ZFR: variants seen among roughly 807,000 people sequenced by gnomAD.
The protein encoded by ZFR is zinc finger RNA-binding protein.
ZFR carries 19 observed loss-of-function variants against 130.7 expected under a neutral mutation model. The observed-to-expected ratio is 0.15, with a 90% CI of 0.10 to 0.21. The LOEUF (loss-of-function observed/expected upper bound fraction) is 0.21. ZFR is among the 10% of genes least tolerant of loss of function. The pLI, the probability that ZFR is intolerant of heterozygous loss-of-function variation, is 1.00. For synonymous variants in ZFR, 466 were observed against 456.9 expected (o/e 1.02, Z -0.25); for missense variants, 872 against 1,321.5 (o/e 0.66, Z 5.27).
chr5:32,408,380 T>A (rs1324268426), intron 5 of ZFR, among the ~76,000 whole-genome samples: 1 of 151,802 alleles, frequency 6.6e-6, no homozygotes, highest in African/African-American at 2.4e-5. Flanking sequence ...TCTGTTGTCC[T>A]TATTCTGCTT....
intron 4 of ZFR, among the ~76,000 whole-genome samples, chr5:32,416,857 C>G (rs1254152581): frequency 6.6e-6 from 1 of 151,762 alleles, no homozygotes; most frequent in Non-Finnish European, 1.5e-5. Context: ...CAATCCAACG[C>G]TCTACCCACA....
At chr5:32,393,005 T>A (rs1037628707) in intron 11 of ZFR, among the ~76,000 whole-genome samples, 4 of 152,002 alleles carry the variant, frequency 2.6e-5, no homozygotes, top group Non-Finnish European at 4.4e-5. Context: ...AAAAAAAAAA[T>A]TATTTTCATA....
chr5:32,417,959 C>T (rs756406799), intron 3 of ZFR, among the ~76,000 whole-genome samples, 167 bp from the exon 4 acceptor site: 1 of 152,096 alleles, frequency 6.6e-6, no homozygotes, highest in Non-Finnish European at 1.5e-5. Flanking sequence ...TCATTTTGTA[C>T]TTCATTAAAA....
intron 12 of ZFR, among the ~76,000 whole-genome samples, chr5:32,389,927 G>C (rs1267192098): frequency 6.6e-6 from 1 of 152,206 alleles, no homozygotes; most frequent in Non-Finnish European, 1.5e-5. Flanking sequence ...CAGGCGGACG[G>C]ATCTCCTGAA....
rs545445849 is a variant in ZFR at position 32,389,945 on chromosome 5, G to A, written c.2142+330C>T. Among the ~76,000 whole-genome samples, 9 of 152,344 alleles carry A rather than the reference G, an allele frequency of 5.9e-5. No individual in the cohort carries two copies. The Middle Eastern group carries it at 0.01, about 173-fold the overall frequency. On this transcript the variant is annotated intron_variant, in intron 12 of 19. Coordinates refer to ENST00000265069, the MANE Select transcript of ZFR (RefSeq NM_016107.5). ...GCGGACGGATCTCCTGAAGTCAGGA[G>A]TTCAAGACCAGCCTGGCCAACGTGG...
chr5:32,357,288 C>CA (rs1468398480), intron 19 of ZFR, among the ~76,000 whole-genome samples: 3 of 152,184 alleles, frequency 2.0e-5, no homozygotes, highest in Admixed American at 6.5e-5. Context: ...TTTTTTGAGA[C>CA]AGAGTCTTGC....
At chr5:32,364,463 T>G in intron 17 of ZFR, 188 bp from the exon 18 acceptor site, 4 of 338,904 alleles carry the variant, frequency 1.2e-5, no homozygotes, top group Non-Finnish European at 2.2e-5. Flanking sequence ...CCGGGCACAG[T>G]GGCTCACGTC....
chr5:32,370,581 A>C (rs1010647807), intron 17 of ZFR, among the ~76,000 whole-genome samples: 1 of 152,126 alleles, frequency 6.6e-6, no homozygotes, highest in African/African-American at 2.4e-5. Flanking sequence ...CTTGCTATAC[A>C]AATAAGGCTG....
At chr5:32,394,246 A>G (rs1307445473) in intron 11 of ZFR, 1 of 161,342 alleles carries the variant, frequency 6.2e-6, no homozygotes, top group African/African-American at 2.4e-5. Context: ...AATGTGGTAC[A>G]TAAGGATGTA....
intron 19 of ZFR, among the ~76,000 whole-genome samples, chr5:32,359,739 A>G (rs1466027500): frequency 1.3e-5 from 2 of 152,234 alleles, no homozygotes; most frequent in Non-Finnish European, 2.9e-5. Context: ...CCACGAGGTC[A>G]GGAGTTCGAC....
At position 32,420,869 on chromosome 5, in the gene ZFR, A is replaced by G. The variant is rs1026796482; in HGVS notation, c.138-766T>C. Among the ~76,000 whole-genome samples, 5 of 152,192 alleles carry G rather than the reference A, an allele frequency of 3.3e-5. No individual in the cohort carries two copies. In the South Asian group the frequency reaches 8.3e-4, roughly 25 times the overall value. ...GTACAAAACCTACAATGGAATATCTATTATTTTAGATACATTTTCCAGCTT... is the reference window on the plus strand; with the variant it reads ...GTACAAAACCTACAATGGAATATCTGTTATTTTAGATACATTTTCCAGCTT... On this transcript the variant is annotated intron_variant, in intron 2 of 19. Coordinates refer to ENST00000265069, the MANE Select transcript of ZFR (RefSeq NM_016107.5).
At chr5:32,407,723 T>C (rs1753607319) in intron 5 of ZFR, among the ~76,000 whole-genome samples, 1 of 152,186 alleles carries the variant, frequency 6.6e-6, no homozygotes, top group Non-Finnish European at 1.5e-5. Flanking sequence ...TTCCAAAAGA[T>C]GAAAAAGCAT....
At chr5:32,382,397 C>T (rs1392533132) in intron 15 of ZFR, among the ~76,000 whole-genome samples, 1 of 152,096 alleles carries the variant, frequency 6.6e-6, no homozygotes, top group African/African-American at 2.4e-5. Context: ...TGCTAAAGAA[C>T]CTCTTTCTAT....
At chr5:32,431,216 T>C (rs1754207486) in intron 2 of ZFR, among the ~76,000 whole-genome samples, 1 of 152,170 alleles carries the variant, frequency 6.6e-6, no homozygotes, top group Non-Finnish European at 1.5e-5. Context: ...AAGGTAAACT[T>C]AAATAATCAT....
At chr5:32,435,180 G>A (rs1754307084) in intron 2 of ZFR, among the ~76,000 whole-genome samples, 1 of 151,980 alleles carries the variant, frequency 6.6e-6, no homozygotes, top group Admixed American at 6.6e-5. Context: ...CAAAATGCTG[G>A]GATTACAGGC....
chr5:32,424,510 G>A (rs57997147), intron 2 of ZFR, among the ~76,000 whole-genome samples: 21,332 of 149,782 alleles, frequency 0.14, 1,786 homozygotes, highest in African/African-American at 0.23. Context: ...TCTCACCTGG[G>A]TGAAAGAGCG....
At chr5:32,398,224 A>T (rs1753362890) in intron 9 of ZFR, among the ~76,000 whole-genome samples, 1 of 152,202 alleles carries the variant, frequency 6.6e-6, no homozygotes, top group South Asian at 2.1e-4. Flanking sequence ...AGATGTCTTA[A>T]ATTTTCTAAT....
chr5:32,430,054 T>A (rs1387290534), intron 2 of ZFR, among the ~76,000 whole-genome samples: 1 of 125,328 alleles, frequency 8.0e-6, no homozygotes, highest in African/African-American at 3.2e-5. Context: ...GGATGTAGCC[T>A]GGGTGACAGA....
At chr5:32,378,908 CAA>C (rs1413399257) in intron 17 of ZFR, among the ~76,000 whole-genome samples, 6 of 149,254 alleles carry the variant, frequency 4.0e-5, no homozygotes, top group Admixed American at 3.3e-4. Flanking sequence ...AAAAAACACA[CAA>C]AGAGAAACAT....
Sources: gnomAD v4.1 joint callset for allele counts (sites outside exome capture counted in the v4.1 genomes callset) on GRCh38, gnomAD v4.1.1 for gene constraint, MANE v1.5 for transcripts, NCBI Gene and HGNC (gene_info 2026-07-23, HGNC 2026-07-21) for gene names.